FGD6: variants seen among roughly 807,000 people sequenced by gnomAD.
The protein encoded by FGD6 is FYVE, RhoGEF and PH domain containing 6, also known as FYVE, RhoGEF and PH domain-containing protein 6.
FGD6 carries 90 observed loss-of-function variants against 149.4 expected under a neutral mutation model. The ratio of observed to expected loss-of-function variants is 0.60; its 90% CI spans 0.51 to 0.72. The LOEUF is 0.72. FGD6 is among the 30% of genes least tolerant of loss of function. The pLI is 0.00. For synonymous variants in FGD6, 527 were observed against 584.0 expected (o/e 0.90, Z 1.41); for missense variants, 1,437 against 1,684.8 (o/e 0.85, Z 2.57).
At position 95,186,225 on chromosome 12, in the gene FGD6, C is replaced by CTTTTTTTTTTTTTTTTTTTTTT. The variant is rs1881428152; in HGVS notation, c.2442-13482_2442-13481insAAAAAAAAAAAAAAAAAAAAAA. On this transcript the variant is annotated intron_variant, in intron 2 of 20. Coordinates refer to ENST00000343958, the MANE Select transcript of FGD6 (RefSeq NM_018351.4). Reference sequence around the variant, plus strand: ...AGCTAAGAATGCTTCTTATATTCTTCTTCTTTTTTTTTTTTTTTTTTTTTT... The same window carrying CTTTTTTTTTTTTTTTTTTTTTT: ...AGCTAAGAATGCTTCTTATATTCTTCTTTTTTTTTTTTTTTTTTTTTTTTCTTTTTTTTTTTTTTTTTTTTTT... 1.7e-4 allele frequency among the ~76,000 whole-genome samples: 12 copies of CTTTTTTTTTTTTTTTTTTTTTT among 71,200 alleles called. 5 individuals are homozygous for CTTTTTTTTTTTTTTTTTTTTTT. The highest frequency in any genetic ancestry group is 4.8e-4 in the East Asian group (1 of 2,078). The allele number at this position is 71,200 out of a possible 152,430, so 46.7% of individuals were successfully genotyped here.
At chr12:95,153,624 G>GCA (rs1880372325) in intron 3 of FGD6, among the ~76,000 whole-genome samples, 2 of 152,126 alleles carry the variant, frequency 1.3e-5, no homozygotes, top group Admixed American at 1.3e-4. Context: ...TCGCGCCATT[G>GCA]CACTATAGCC....
In FGD6 at chr12:95,217,315, T is replaced by C; in HGVS notation, c.-75A>G. 6.5e-7 allele frequency: 1 copy of C among 1,532,764 alleles called. No homozygotes were observed. The allele number at this position is 1,532,764 out of a possible 1,614,324, so 94.9% of individuals were successfully genotyped here. ...CCCTTTCAGTCCATTGTTCCCACAG[T>C]TCGGGTAGGAGAGAAAAGCCCCCGC... On this transcript the variant is annotated 5_prime_UTR_variant, in exon 1 of 21. Transcript: ENST00000343958.
At chr12:95,135,619 A>G (rs573087916) in intron 7 of FGD6, among the ~76,000 whole-genome samples, 1 of 152,166 alleles carries the variant, frequency 6.6e-6, no homozygotes, top group Non-Finnish European at 1.5e-5. Context: ...GGCCAAGTGA[A>G]AATGTCCCTG....
In FGD6 at chr12:95,192,028, C is replaced by T. The variant is rs1881603982; in HGVS notation, c.2441+16815G>A. Among the ~76,000 whole-genome samples the T allele has an allele frequency of 2.0e-5, 3 of 152,170 alleles. No individual in the cohort carries two copies. In the South Asian group the frequency reaches 6.2e-4, roughly 32 times the overall value. Reference sequence around the variant, plus strand: ...CAGGCATGAGCCACCACTCGCGGCTCCTCCTGTATACTTTAAATCACTGTT... The same window carrying T: ...CAGGCATGAGCCACCACTCGCGGCTTCTCCTGTATACTTTAAATCACTGTT... On this transcript the variant is annotated intron_variant, in intron 2 of 20. Coordinates refer to ENST00000343958, the MANE Select transcript of FGD6 (RefSeq NM_018351.4).
At chr12:95,149,993 T>TACACACAC (rs10652699) in intron 5 of FGD6, among the ~76,000 whole-genome samples, 8,046 of 131,884 alleles carry the variant, frequency 0.061, 297 homozygotes, top group East Asian at 0.16. Context: ...TGCTATATAT[T>TACACACAC]ACACACACAC....
intron 2 of FGD6, among the ~76,000 whole-genome samples, chr12:95,179,846 A>C (rs1267582768): frequency 6.6e-6 from 1 of 152,210 alleles, no homozygotes; most frequent in Non-Finnish European, 1.5e-5. Flanking sequence ...TAACAGGCTA[A>C]GGCAGGTGGA....
chr12:95,156,422 G>A (rs758750317), intron 3 of FGD6, among the ~76,000 whole-genome samples: 2 of 152,084 alleles, frequency 1.3e-5, no homozygotes, highest in African/African-American at 4.8e-5. Flanking sequence ...CTCCCATAGC[G>A]CTCCCAGGCT....
In FGD6 at chr12:95,210,572, G is replaced by A; in HGVS notation, c.712C>T (p.His238Tyr). 1 of 1,614,204 alleles carries A rather than the reference G, an allele frequency of 6.2e-7. No homozygotes were observed. Among genetic ancestry groups the A allele is most frequent in the African/African-American group, 1.3e-5 (1 of 75,054 alleles). Residue 238 changes from histidine (H) to tyrosine (Y), a missense_variant, in exon 2 of 21, where the codon CAT (histidine) becomes TAT (tyrosine). By Grantham distance (83) the His-to-Tyr change is moderately conservative. This residue lies in a region of FGD6 where 1,055 missense variants were observed against 1,146.0 expected (regional missense o/e 0.92). Transcript: ENST00000343958. The stretch of plus-strand genomic sequence containing the variant: ...GGAAGCTGTAAGTGGCAACTGTGAT[G>A]ATCAGGAACTTTTTCAAAGCTGGAT... ...SPSSFEKVPDHHSCHLQLPSD... is the reference protein window; with the variant it reads ...SPSSFEKVPDYHSCHLQLPSD...
intron 8 of FGD6, among the ~76,000 whole-genome samples, chr12:95,133,077 T>A (rs1267400474): frequency 6.6e-6 from 1 of 152,222 alleles, no homozygotes; most frequent in East Asian, 1.9e-4. Flanking sequence ...TTCAGTTGGC[T>A]TTATGTCATT....
intron 3 of FGD6, 53 bp from the exon 4 acceptor site, chr12:95,153,046 G>T: frequency 6.6e-7 from 1 of 1,516,370 alleles, no homozygotes; most frequent in South Asian, 1.1e-5. Context: ...ATGAAGATCA[G>T]CTATGAGCTA....
At chr12:95,143,049 T>C (rs994146631) in intron 5 of FGD6, among the ~76,000 whole-genome samples, 3 of 152,128 alleles carry the variant, frequency 2.0e-5, no homozygotes, top group African/African-American at 4.8e-5. Context: ...TCCACAGTCC[T>C]GAGGATTCAA....
chr12:95,187,403 C>A (rs1881470646), intron 2 of FGD6, among the ~76,000 whole-genome samples: 1 of 151,190 alleles, frequency 6.6e-6, no homozygotes, highest in Non-Finnish European at 1.5e-5. Flanking sequence ...CTTTGGGAGG[C>A]CGAGGCGGGC....
chr12:95,145,525 C>T (rs1348095145), intron 5 of FGD6, among the ~76,000 whole-genome samples: 1 of 152,150 alleles, frequency 6.6e-6, no homozygotes, highest in African/African-American at 2.4e-5. Context: ...CAGAATCTCC[C>T]CTGCTCCTGA....
chr12:95,095,757 T>TG (rs1878213033), intron 14 of FGD6, among the ~76,000 whole-genome samples: 1 of 152,148 alleles, frequency 6.6e-6, no homozygotes, highest in Non-Finnish European at 1.5e-5. Context: ...CTCACGCCTG[T>TG]AATCCCAACA....
At chr12:95,132,859 A>G (rs1408249986) in intron 8 of FGD6, among the ~76,000 whole-genome samples, 1 of 152,236 alleles carries the variant, frequency 6.6e-6, no homozygotes, top group East Asian at 1.9e-4. Context: ...ATTTGAAACT[A>G]CAGCTGTCTT....
chr12:95,189,852 A>G (rs1881539831), intron 2 of FGD6, among the ~76,000 whole-genome samples: 1 of 152,210 alleles, frequency 6.6e-6, no homozygotes, highest in Admixed American at 6.5e-5. Context: ...AAGATTTCAC[A>G]GAGTATTTTA....
chr12:95,101,581 T>C (rs1878433290), intron 14 of FGD6, among the ~76,000 whole-genome samples: 1 of 152,172 alleles, frequency 6.6e-6, no homozygotes. Context: ...TATAGGCATT[T>C]CTGCCTTGGA....
intron 3 of FGD6, among the ~76,000 whole-genome samples, chr12:95,164,264 C>G (rs7136967): frequency 7.0e-6 from 1 of 143,874 alleles, no homozygotes; most frequent in African/African-American, 2.6e-5. Flanking sequence ...TTTTTTGAGA[C>G]GGAGTCTCGC....
intron 3 of FGD6, among the ~76,000 whole-genome samples, chr12:95,155,702 G>A (rs1239318828): frequency 2.0e-5 from 3 of 152,084 alleles, no homozygotes; most frequent in Admixed American, 1.3e-4. Flanking sequence ...CAAACACAGG[G>A]ACTACGTAAA....
Sources: gnomAD v4.1 joint callset for allele counts (sites outside exome capture counted in the v4.1 genomes callset) on GRCh38, gnomAD v4.1.1 for gene constraint, gnomAD v4.1.1 regional missense constraint, MANE v1.5 for transcripts, NCBI Gene and HGNC (gene_info 2026-07-23, HGNC 2026-07-21) for gene names.